GRIA4: variants seen among roughly 807,000 people sequenced by gnomAD.
GRIA4 encodes glutamate receptor 4.
In GRIA4, 34 loss-of-function variants were observed where a neutral mutation model predicts 104.0. The observed-to-expected ratio is 0.33, with a 90% CI of 0.25 to 0.44. The LOEUF (loss-of-function observed/expected upper bound fraction) is 0.44, where lower values mean the gene tolerates loss of function less well. Among genes scored for constraint, GRIA4 ranks in the 20% least tolerant of loss-of-function variants. GRIA4 has a pLI of 1.00. For missense variants in GRIA4, 750 were observed against 1,096.5 expected, an observed-to-expected ratio of 0.68 and a Z score of 4.46; for synonymous variants, 386 against 381.9, an observed-to-expected ratio of 1.01 and a Z score of -0.13.
intron 4 of GRIA4, among the ~76,000 whole-genome samples, chr11:105,776,635 C>A (rs1941462372): frequency 6.6e-6 from 1 of 152,140 alleles, no homozygotes; most frequent in Non-Finnish European, 1.5e-5. Context: ...TCAGATCTCA[C>A]CTGCAGTCTC....
intron 4 of GRIA4, among the ~76,000 whole-genome samples, chr11:105,794,506 T>TATATAC (rs1392022852): frequency 1.6e-5 from 2 of 122,696 alleles, no homozygotes; most frequent in African/African-American, 3.3e-5. Context: ...TATATATATA[T>TATATAC]ATATATACAT....
rs752003854 is a variant in GRIA4, at chr11:105,753,184, T to C, written c.451T>C (p.Trp151Arg). ...CTTGAGTTTGCTGGATCACTACGAA[T>C]GGAACTGTTTTGTCTTCCTGTATGA... ...ALLSLLDHYE[W>R]NCFVFLYDTD... Residue 151 changes from tryptophan to arginine, a missense_variant, in exon 4 of 17, where the codon TGG becomes CGG. This residue lies in a region of GRIA4 where 410 missense variants were observed against 502.7 expected (regional missense o/e 0.82). Transcript: ENST00000282499. The C allele has an allele frequency of 6.2e-7, 1 of 1,613,746 alleles. No homozygotes were observed. The highest frequency in any genetic ancestry group is 8.5e-7 in the Non-Finnish European group (1 of 1,179,732).
intron 11 of GRIA4, among the ~76,000 whole-genome samples, chr11:105,919,755 G>A (rs1277382493): frequency 6.6e-6 from 1 of 152,096 alleles, no homozygotes; most frequent in African/African-American, 2.4e-5. Context: ...AACTAAATCT[G>A]TAGCTTGTAG....
At chr11:105,678,249 C>T (rs866961359) in intron 3 of GRIA4, among the ~76,000 whole-genome samples, 3 of 151,956 alleles carry the variant, frequency 2.0e-5, no homozygotes, top group Admixed American at 6.6e-5. Flanking sequence ...GCAAAGTTGA[C>T]GTGGGGGCCC....
intron 4 of GRIA4, among the ~76,000 whole-genome samples, chr11:105,762,553 T>G (rs191561796): frequency 1.5e-3 from 234 of 152,280 alleles, no homozygotes; most frequent in Non-Finnish European, 2.8e-3. Context: ...GATTTTTTTG[T>G]GTCATAGATT....
At chr11:105,924,877 A>C (rs1947662383) in intron 12 of GRIA4, 108 bp downstream of exon 12, 2 of 855,654 alleles carry the variant, frequency 2.3e-6, no homozygotes, top group East Asian at 5.0e-5. Flanking sequence ...ACTATTTGAA[A>C]CACAGAAAAA....
intron 3 of GRIA4, among the ~76,000 whole-genome samples, chr11:105,694,312 G>A (rs1424942819): frequency 6.6e-6 from 1 of 152,000 alleles, no homozygotes. Context: ...ACTATGCCCA[G>A]CTAATTTTTG....
At chr11:105,648,203 A>C (rs1436862932) in intron 3 of GRIA4, among the ~76,000 whole-genome samples, 1 of 151,776 alleles carries the variant, frequency 6.6e-6, no homozygotes, top group Non-Finnish European at 1.5e-5. Context: ...TAGTGAGATA[A>C]ATAAGCATGT....
chr11:105,843,112 T>C (rs145161235), intron 4 of GRIA4, among the ~76,000 whole-genome samples: 2 of 152,326 alleles, frequency 1.3e-5, no homozygotes, highest in African/African-American at 2.4e-5. Context: ...TTGGGGTTTT[T>C]CATTTGTTTG....
rs1281328854 is a variant in GRIA4 at position 105,895,218 on chromosome 11, AAAAG to A, written c.727-3046_727-3043del. ...CTTTACTAAATACTAAGAGAAAACA[AAAAG>A]AAAGCAATTACAAAAGCTACGAGCT... On this transcript the variant is annotated intron_variant, in intron 6 of 16. Coordinates refer to ENST00000282499, the MANE Select transcript of GRIA4 (RefSeq NM_000829.4). Among the ~76,000 whole-genome samples the A allele has an allele frequency of 2.5e-4, 38 of 151,562 alleles. No individual in the cohort carries two copies. The Admixed American group carries it at 2.5e-3, about 10-fold the overall frequency.
intron 3 of GRIA4, among the ~76,000 whole-genome samples, chr11:105,643,161 A>C (rs1951420936): frequency 6.6e-6 from 1 of 152,318 alleles, no homozygotes; most frequent in Non-Finnish European, 1.5e-5. Context: ...ACTACAATTC[A>C]AGATGAGATT....
chr11:105,826,222 A>G (rs1943765634), intron 4 of GRIA4, among the ~76,000 whole-genome samples: 1 of 152,026 alleles, frequency 6.6e-6, no homozygotes, highest in Non-Finnish European at 1.5e-5. Flanking sequence ...GGTTGCAGGG[A>G]GAAAGGGGTT....
intron 6 of GRIA4, among the ~76,000 whole-genome samples, chr11:105,895,577 T>C (rs1591411699): frequency 7.0e-6 from 1 of 142,158 alleles, no homozygotes; most frequent in African/African-American, 2.7e-5. Context: ...GGATAGATAA[T>C]AGAAAATGTG....
At chr11:105,640,681 T>A (rs1181749895) in intron 3 of GRIA4, among the ~76,000 whole-genome samples, 1 of 152,002 alleles carries the variant, frequency 6.6e-6, no homozygotes, top group Non-Finnish European at 1.5e-5. Flanking sequence ...TTCTATTTAA[T>A]ATATTTCTAT....
At chr11:105,895,376 A>C (rs888317744) in intron 6 of GRIA4, among the ~76,000 whole-genome samples, 10 of 151,620 alleles carry the variant, frequency 6.6e-5, no homozygotes, top group South Asian at 2.1e-4. Flanking sequence ...TCTGTTTTAC[A>C]CTTTTTATTG....
rs73630108 is a variant in GRIA4 at position 105,718,584 on chromosome 11, A to C, written c.248-34397A>C. Among the ~76,000 whole-genome samples the C allele has an allele frequency of 5.1e-3, 784 of 152,292 alleles. 10 individuals are homozygous for C. The highest frequency in any genetic ancestry group is 0.018 in the African/African-American group (745 of 41,576). ...AACGATTGCTGTCTCATGATACTAC[A>C]AATAGAAAAGAATGAGGAAACTAAT... On this transcript the variant is annotated intron_variant, in intron 3 of 16. Transcript: ENST00000282499.
intron 3 of GRIA4, among the ~76,000 whole-genome samples, chr11:105,640,431 C>A (rs2135346147): frequency 6.6e-6 from 1 of 151,878 alleles, no homozygotes; most frequent in African/African-American, 2.4e-5. Flanking sequence ...ATTCTACTAT[C>A]AAATAATAAA....
chr11:105,784,623 G>A (rs1941875980), intron 4 of GRIA4, among the ~76,000 whole-genome samples: 2 of 152,014 alleles, frequency 1.3e-5, no homozygotes, highest in Admixed American at 6.6e-5. Flanking sequence ...ATGGGCTTGG[G>A]CTCTTTTGTA....
chr11:105,794,463 GTATATGTATGTATATATATATATA>G (rs1565241128), intron 4 of GRIA4, among the ~76,000 whole-genome samples: 5 of 39,302 alleles, frequency 1.3e-4, no homozygotes, highest in African/African-American at 7.0e-4. Flanking sequence ...CTGTGTGTGT[GTATATGTATGTATATATATATATA>G]TATATATATA....
Sources: allele counts gnomAD v4.1 joint callset (sites outside exome capture counted in the v4.1 genomes callset), GRCh38; gene constraint gnomAD v4.1.1; regional missense constraint gnomAD v4.1.1; transcripts MANE v1.5; gene names NCBI Gene and HGNC (gene_info 2026-07-23, HGNC 2026-07-21).